Variants in NRXN1 observed in about 807,000 individuals in gnomAD.
NRXN1 encodes neurexin-1.
In NRXN1, 39 loss-of-function variants were observed where a neutral mutation model predicts 150.9. That is an observed-to-expected ratio of 0.26 (90% CI 0.20 to 0.34). The LOEUF is 0.34. Ranked by LOEUF, NRXN1 falls within the 10% of genes least tolerant of loss-of-function variation. The pLI, the probability that NRXN1 is intolerant of heterozygous loss-of-function variation, is 1.00. For missense variants in NRXN1, 1,815 were observed against 1,949.9 expected (o/e 0.93, Z 1.30); for synonymous variants, 924 against 757.0 (o/e 1.22, Z -3.62).
chr2:49,970,641 T>C (rs75631355), intron 21 of NRXN1: 1 of 152,124 alleles, frequency 6.6e-6, no homozygotes, highest in Non-Finnish European at 1.5e-5. Context: ...GTAAATAAGA[T>C]AGCAGAAGGT....
chr2:50,164,747 G>T (rs1438175339), intron 18 of NRXN1, among the ~76,000 whole-genome samples: 1 of 152,066 alleles, frequency 6.6e-6, no homozygotes, highest in Non-Finnish European at 1.5e-5. Flanking sequence ...GGTGATCTGA[G>T]GATCAGAAAA....
At chr2:50,958,509 A>G (rs1460000247) in intron 2 of NRXN1, among the ~76,000 whole-genome samples, 1 of 151,944 alleles carries the variant, frequency 6.6e-6, no homozygotes, top group African/African-American at 2.4e-5. Flanking sequence ...TCATTTATGG[A>G]GTATTTATTG....
intron 2 of NRXN1, among the ~76,000 whole-genome samples, chr2:50,926,458 A>G (rs991141155): frequency 2.0e-5 from 3 of 151,944 alleles, no homozygotes; most frequent in Non-Finnish European, 2.9e-5. Context: ...TATTTCTAAT[A>G]CCTCAATTGC....
intron 5 of NRXN1, among the ~76,000 whole-genome samples, chr2:50,798,342 ACCAGAAATTGCTTTTTAAGTCTGCTTTTT>A (rs1707133733): frequency 6.6e-6 from 1 of 152,192 alleles, no homozygotes; most frequent in Non-Finnish European, 1.5e-5. Flanking sequence ...ACCTTTCTTA[ACCAGAAATTGCTTTTTAAGTCTGCTTTTT>A]CAAGTATTAG....
chr2:50,785,779 C>A (rs1415358935), intron 5 of NRXN1, among the ~76,000 whole-genome samples: 2 of 152,176 alleles, frequency 1.3e-5, no homozygotes, highest in African/African-American at 4.8e-5. Flanking sequence ...CGTGGGTTCC[C>A]TGTAGAAGGG....
Position 50,981,702 on chromosome 2 carries a change from G to C in NRXN1, c.772+45800C>G, listed in dbSNP as rs189500044. On this transcript the variant is annotated intron_variant, in intron 2 of 22. Coordinates refer to ENST00000401669, the MANE Select transcript of NRXN1 (RefSeq NM_001330078.2). Reference sequence around the variant, plus strand: ...GATATCTTTGACAGCTTTTGGCTCAGAAATTAGAAAATGAAATGATAACCA... The same window carrying C: ...GATATCTTTGACAGCTTTTGGCTCACAAATTAGAAAATGAAATGATAACCA... Among the ~76,000 whole-genome samples, 7 of 151,978 alleles carry C rather than the reference G, an allele frequency of 4.6e-5. No individual in the cohort carries two copies. In the East Asian group the frequency reaches 1.4e-3, roughly 30 times the overall value.
At position 50,116,337 on chromosome 2, in the gene NRXN1, T is replaced by G. The variant is rs149774743; in HGVS notation, c.3547-24843A>C. Reference sequence around the variant, plus strand: ...CATAGGGCTAATTAGAGATACAACCTGAAGTGTTGAGTCAGCAGTAAGAAA... The same window carrying G: ...CATAGGGCTAATTAGAGATACAACCGGAAGTGTTGAGTCAGCAGTAAGAAA... On this transcript the variant is annotated intron_variant, in intron 18 of 22. Transcript: ENST00000401669. 2.6e-3 allele frequency among the ~76,000 whole-genome samples: 394 copies of G among 152,198 alleles called. 5 individuals carry two copies. Among genetic ancestry groups the G allele is most frequent in the African/African-American group, 9.0e-3 (373 of 41,548 alleles).
intron 21 of NRXN1, among the ~76,000 whole-genome samples, chr2:50,020,163 C>A (rs1202531712): frequency 6.6e-6 from 1 of 151,968 alleles, no homozygotes; most frequent in Non-Finnish European, 1.5e-5. Flanking sequence ...GACTAAATTA[C>A]TTATGATTTT....
chr2:50,200,395 A>T (rs2062075738), intron 18 of NRXN1, among the ~76,000 whole-genome samples: 1 of 152,182 alleles, frequency 6.6e-6, no homozygotes, highest in Non-Finnish European at 1.5e-5. Flanking sequence ...GTCTTCTAAG[A>T]CATTAATATT....
chr2:50,812,038 T>C (rs1386729766), intron 5 of NRXN1, among the ~76,000 whole-genome samples: 4 of 152,116 alleles, frequency 2.6e-5, no homozygotes, highest in Non-Finnish European at 5.9e-5. Context: ...ATACAGATGT[T>C]AAGTCTTACC....
At chr2:51,005,349 T>C (rs1371930600) in intron 2 of NRXN1, among the ~76,000 whole-genome samples, 1 of 152,064 alleles carries the variant, frequency 6.6e-6, no homozygotes, top group Non-Finnish European at 1.5e-5. Flanking sequence ...TATTTCTATA[T>C]GTTTTATGTA....
chr2:50,884,210 G>A lies in NRXN1; in HGVS notation c.832+37659C>T, dbSNP rs571200302. On this transcript the variant is annotated intron_variant, in intron 5 of 22. Transcript: ENST00000401669. ...AGGAAAAACACTAAGAAAAATCACT[G>A]AGACTCCTATCTTATCATTAGATAT... Among the ~76,000 whole-genome samples, 19 of 151,822 alleles carry A rather than the reference G, an allele frequency of 1.3e-4. No individual in the cohort carries two copies. In the South Asian group the frequency reaches 3.9e-3, roughly 31 times the overall value.
chr2:50,159,065 G>C (rs549063043), intron 18 of NRXN1, among the ~76,000 whole-genome samples: 1 of 151,490 alleles, frequency 6.6e-6, no homozygotes, highest in Non-Finnish European at 1.5e-5. Flanking sequence ...TTCCAGGAAT[G>C]AAAGTCTCTT....
intron 2 of NRXN1, among the ~76,000 whole-genome samples, chr2:50,946,580 A>G (rs1690428545): frequency 6.6e-6 from 1 of 152,146 alleles, no homozygotes; most frequent in South Asian, 2.1e-4. Flanking sequence ...CATAAGAGCA[A>G]AAACACTCAT....
intron 17 of NRXN1, among the ~76,000 whole-genome samples, chr2:50,342,803 C>T (rs1437319771): frequency 6.6e-6 from 1 of 152,220 alleles, no homozygotes; most frequent in Non-Finnish European, 1.5e-5. Context: ...CATAGAATTG[C>T]TCTGGGCTAT....
intron 17 of NRXN1, among the ~76,000 whole-genome samples, chr2:50,318,420 A>G (rs1047837462): frequency 2.6e-5 from 4 of 152,104 alleles, no homozygotes; most frequent in Non-Finnish European, 5.9e-5. Context: ...TATGTACTGC[A>G]ACAATACTGC....
At chr2:50,026,832 A>G (rs1688361803) in intron 21 of NRXN1, among the ~76,000 whole-genome samples, 1 of 130,854 alleles carries the variant, frequency 7.6e-6, no homozygotes, top group Admixed American at 8.2e-5. Context: ...TGTGCTACTC[A>G]CTTGCATTGT....
At chr2:50,440,632 T>G (rs2085869504) in intron 17 of NRXN1, among the ~76,000 whole-genome samples, 1 of 152,080 alleles carries the variant, frequency 6.6e-6, no homozygotes, top group African/African-American at 2.4e-5. Flanking sequence ...GTAGTAATGT[T>G]TGAACAAAGA....
chr2:50,837,050 C>T (rs550960580), intron 5 of NRXN1, among the ~76,000 whole-genome samples: 3 of 152,094 alleles, frequency 2.0e-5, no homozygotes, highest in Admixed American at 6.6e-5. Context: ...TATTTTTATC[C>T]TCTCAGTTAG....
Sources: allele counts gnomAD v4.1 joint callset (sites outside exome capture counted in the v4.1 genomes callset), GRCh38; gene constraint gnomAD v4.1.1; transcripts MANE v1.5; gene names NCBI Gene and HGNC (gene_info 2026-07-23, HGNC 2026-07-21).